FNDC3B: variants seen among roughly 807,000 people sequenced by gnomAD.
FNDC3B encodes the protein fibronectin type III domain-containing protein 3B.
FNDC3B carries 12 observed loss-of-function variants against 151.5 expected under a neutral mutation model. The ratio of observed to expected loss-of-function variants is 0.08; its 90% CI spans 0.05 to 0.13. The LOEUF is 0.13. Among genes scored for constraint, FNDC3B ranks in the 10% least tolerant of loss-of-function variants. The pLI is 1.00. For missense variants in FNDC3B, 1,214 were observed against 1,505.3 expected (o/e 0.81, Z 3.20); for synonymous variants, 528 against 549.0 (o/e 0.96, Z 0.54).
chr3:172,120,997 A>G (rs1412407124), intron 2 of FNDC3B, among the ~76,000 whole-genome samples: 2 of 152,108 alleles, frequency 1.3e-5, no homozygotes, highest in Non-Finnish European at 1.5e-5. Flanking sequence ...CCCAGAAGAT[A>G]TGTTAACACT....
chr3:172,395,459 G>C (rs1034873705), intron 25 of FNDC3B, among the ~76,000 whole-genome samples: 1 of 152,150 alleles, frequency 6.6e-6, no homozygotes, highest in Non-Finnish European at 1.5e-5. Flanking sequence ...TTCTGTAACA[G>C]TAAGCCTCTT....
At chr3:172,257,544 AC>A (rs962498027) in intron 6 of FNDC3B, among the ~76,000 whole-genome samples, 1 of 148,630 alleles carries the variant, frequency 6.7e-6, no homozygotes, top group Non-Finnish European at 1.5e-5. Context: ...GTATCCCTTC[AC>A]CCCTACCACA....
chr3:172,399,010 G>A lies in FNDC3B; in HGVS notation c.*1535G>A, dbSNP rs1211315865. ...AGTGTATCCCCCTGCTTCTGTTTTT[G>A]TATATTTTTGCTACTTGGTTTTTCT... On this transcript the variant is annotated 3_prime_UTR_variant, in exon 26 of 26. Transcript: ENST00000415807. The A allele has an allele frequency of 1.3e-5, 2 of 152,542 alleles. No individual in the cohort carries two copies. The highest frequency in any genetic ancestry group is 2.9e-5 in the Non-Finnish European group (2 of 67,998). The allele number at this position is 152,542 out of a possible 1,614,324, so 9.4% of individuals were successfully genotyped here. A position where few individuals can be genotyped will look rare whatever the true frequency, so the allele number is the denominator to read the frequency against.
At chr3:172,083,746 C>T (rs574586283) in intron 1 of FNDC3B, among the ~76,000 whole-genome samples, 7 of 152,136 alleles carry the variant, frequency 4.6e-5, no homozygotes, top group African/African-American at 7.2e-5. Flanking sequence ...TGTATATTGA[C>T]GTCTTCTTAC....
chr3:172,187,083 G>A (rs1416384034), intron 3 of FNDC3B: 1 of 240,396 alleles, frequency 4.2e-6, no homozygotes, highest in Non-Finnish European at 7.9e-6. Flanking sequence ...TTATTACCTT[G>A]CCCTTGAGAA....
intron 3 of FNDC3B, among the ~76,000 whole-genome samples, chr3:172,223,608 G>A (rs984553219): frequency 6.6e-6 from 1 of 152,172 alleles, no homozygotes; most frequent in African/African-American, 2.4e-5. Context: ...TGATTAAAAA[G>A]CAATACTTTA....
intron 23 of FNDC3B, among the ~76,000 whole-genome samples, chr3:172,364,910 C>T (rs1288937128): frequency 1.1e-4 from 16 of 152,168 alleles, no homozygotes; most frequent in Admixed American, 1.0e-3. Context: ...TTAGATTTGT[C>T]AGTGCTCTCA....
At chr3:172,236,663 G>GGTTC (rs1727181664) in intron 4 of FNDC3B, among the ~76,000 whole-genome samples, 1 of 152,116 alleles carries the variant, frequency 6.6e-6, no homozygotes, top group Non-Finnish European at 1.5e-5. Flanking sequence ...ACCAGGGAGG[G>GGTTC]GTTCCTCTTT....
intron 1 of FNDC3B, among the ~76,000 whole-genome samples, chr3:172,078,453 G>A (rs1718129341): frequency 1.3e-5 from 2 of 152,150 alleles, no homozygotes; most frequent in African/African-American, 4.8e-5. Flanking sequence ...GTGGTTTAGG[G>A]GCTGTTGCAA....
At position 172,120,066 on chromosome 3, in the gene FNDC3B, A is replaced by C. The variant is rs556009086; in HGVS notation, c.111+7476A>C. Among the ~76,000 whole-genome samples the C allele has an allele frequency of 9.2e-5, 14 of 152,344 alleles. No homozygotes were observed. In the South Asian group the frequency reaches 2.9e-3, roughly 32 times the overall value. ...GCAGAATCTCAGTCTTACAAAGGAA[A>C]ATGTTGATGCCATGTTATCAGAGGG... On this transcript the variant is annotated intron_variant, in intron 2 of 25. Transcript: ENST00000415807.
At chr3:172,320,054 A>C (rs1239827013) in intron 11 of FNDC3B, among the ~76,000 whole-genome samples, 1 of 152,178 alleles carries the variant, frequency 6.6e-6, no homozygotes, top group Admixed American at 6.5e-5. Context: ...TGGTAAGAGC[A>C]GCTCAGGAAG....
At chr3:172,238,239 A>G (rs34718992) in intron 4 of FNDC3B, among the ~76,000 whole-genome samples, 25,422 of 152,156 alleles carry the variant, frequency 0.17, 2,720 homozygotes, top group Non-Finnish European at 0.23. Context: ...GTGCAGTGGC[A>G]TGACCTCCCT....
At chr3:172,345,009 A>G (rs975155488) in intron 19 of FNDC3B, among the ~76,000 whole-genome samples, 1 of 152,160 alleles carries the variant, frequency 6.6e-6, no homozygotes, top group East Asian at 1.9e-4. Context: ...GTTTGTGTAG[A>G]TGGGCTCCAT....
At chr3:172,232,419 G>T (rs185291632) in intron 4 of FNDC3B, among the ~76,000 whole-genome samples, 52 of 152,330 alleles carry the variant, frequency 3.4e-4, no homozygotes, top group Non-Finnish European at 5.0e-4. Flanking sequence ...CTGTGGAGGT[G>T]CAATCAACAG....
intron 2 of FNDC3B, among the ~76,000 whole-genome samples, chr3:172,125,652 A>T (rs1720775805): frequency 1.3e-5 from 2 of 152,232 alleles, no homozygotes; most frequent in Admixed American, 1.3e-4. Flanking sequence ...AGATTTGAAC[A>T]CATTAGGTGG....
chr3:172,173,421 T>G lies in FNDC3B; in HGVS notation c.187+39875T>G, dbSNP rs142986119. ...AACAACCATATGGAAGAATTTGATG[T>G]GTTCTTTGAAGTCACTGCTTGTAAG... On this transcript the variant is annotated intron_variant, in intron 3 of 25. Transcript: ENST00000415807. Among the ~76,000 whole-genome samples the G allele has an allele frequency of 2.2e-3, 330 of 152,262 alleles. 2 individuals carry two copies. Among genetic ancestry groups the G allele is most frequent in the African/African-American group, 7.5e-3 (312 of 41,554 alleles).
At chr3:172,113,394 T>C (rs1233971793) in intron 2 of FNDC3B, among the ~76,000 whole-genome samples, 2 of 152,230 alleles carry the variant, frequency 1.3e-5, no homozygotes, top group Non-Finnish European at 2.9e-5. Context: ...TGTCAGTACA[T>C]GCCCCCTGCT....
At chr3:172,107,148 T>C (rs900660352) in intron 1 of FNDC3B, among the ~76,000 whole-genome samples, 36 of 152,120 alleles carry the variant, frequency 2.4e-4, no homozygotes, top group Non-Finnish European at 4.4e-4. Context: ...TCCCTGTCAA[T>C]CAAAAGAATA....
At chr3:172,200,025 T>TCATC (rs1725063195) in intron 3 of FNDC3B, among the ~76,000 whole-genome samples, 3 of 152,098 alleles carry the variant, frequency 2.0e-5, no homozygotes, top group African/African-American at 7.2e-5. Context: ...ATTCATTCAT[T>TCATC]CATTCATTCT....
Sources: gnomAD v4.1 joint callset for allele counts (sites outside exome capture counted in the v4.1 genomes callset) on GRCh38, gnomAD v4.1.1 for gene constraint, MANE v1.5 for transcripts, NCBI Gene and HGNC (gene_info 2026-07-23, HGNC 2026-07-21) for gene names.